The following PLD4 variants were observed in gnomAD, a reference collection of about 807,000 sequenced individuals.
PLD4 encodes 5'-3' exonuclease PLD4.
In PLD4, 54 loss-of-function variants were observed where a neutral mutation model predicts 52.3. The ratio of observed to expected loss-of-function variants is 1.03; its 90% CI spans 0.83 to 1.30. The LOEUF (loss-of-function observed/expected upper bound fraction) is 1.30. PLD4 is among the 50% of genes most tolerant of loss of function. The pLI is 0.00. For missense variants in PLD4, 731 were observed against 671.1 expected (o/e 1.09, Z -0.99); for synonymous variants, 264 against 286.5 (o/e 0.92, Z 0.79).
In PLD4 at chr14:104,931,866, C is replaced by G. The variant is rs552753698; in HGVS notation, c.1037C>G (p.Thr346Arg). 1.4e-5 allele frequency: 21 copies of G among 1,543,304 alleles called. No individual in the cohort carries two copies. Among genetic ancestry groups the G allele is most frequent in the Non-Finnish European group, 1.8e-5 (21 of 1,141,484 alleles). The stretch of plus-strand genomic sequence containing the variant: ...TCCGTGATGGAGTATTTCCCCACCA[C>G]GCGCTTCAGCCACCCCCCGAGGTAG... Reference protein sequence around the residue: ...YASVMEYFPTTRFSHPPRYWP... With the variant: ...YASVMEYFPTRRFSHPPRYWP... Residue 346 changes from threonine (T) to arginine (R), a missense_variant, in exon 8 of 11, where the codon ACG (threonine) becomes AGG (arginine). Physicochemically the swap from Thr to Arg is moderately conservative, Grantham distance 71 (BLOSUM62 -1). Coordinates refer to ENST00000392593, the MANE Select transcript of PLD4 (RefSeq NM_138790.5).
Position 104,932,885 on chromosome 14 carries a change from T to G in PLD4, c.1442T>G (p.Phe481Cys), listed in dbSNP as rs777850189. The part of the protein sequence containing the change: ...ATVQEQLRQL[F>C]ERDWSSRYAV... The stretch of plus-strand genomic sequence containing the variant: ...GTGCAGGAGCAGCTGCGGCAGCTCT[T>G]TGAGCGGGACTGGAGTTCGCGCTAC... The change falls in exon 11 of 11, where the codon TTT (phenylalanine) becomes TGT (cysteine). Residue 481 changes from phenylalanine to cysteine, a missense_variant. Transcript: ENST00000392593. This position sits in a 1 kb window ranked among gnomAD's most constrained non-coding sequence, Gnocchi z 6.5. 1 of 1,603,896 alleles carries G rather than the reference T, an allele frequency of 6.2e-7. No individual in the cohort carries two copies. Among genetic ancestry groups the G allele is most frequent in the Admixed American group, 1.7e-5 (1 of 59,020 alleles).
rs1897682433 is a variant in PLD4, at chr14:104,932,330, G to A, written c.1296G>A (p.Met432Ile). ...PFSRVNHSKF[M>I]VTEKAAYIGT... ...GCAGGGTGAACCACAGCAAGTTCAT[G>A]GTCACGGAGAAGGCAGCCTACATAG... Residue 432 changes from methionine (M) to isoleucine (I), a missense_variant, in exon 10 of 11, where the codon ATG becomes ATA. Transcript: ENST00000392593. The surrounding 1 kb of genome is among the most constrained non-coding windows in gnomAD (Gnocchi z 6.5). The A allele has an allele frequency of 3.7e-6, 6 of 1,612,724 alleles. No individual in the cohort carries two copies. The highest frequency in any genetic ancestry group is 4.2e-6 in the Non-Finnish European group (5 of 1,179,878).
chr14:104,926,957 G>A (rs1420395654), intron 1 of PLD4, 184 bp from the exon 2 acceptor site: 6 of 462,758 alleles, frequency 1.3e-5, no homozygotes, highest in Admixed American at 4.1e-5. Context: ...ACACCCACAC[G>A]GCTTGTCCTC....
rs1897692215 is a variant in PLD4, at chr14:104,932,547, A to G, written c.1321+192A>G. 6.6e-6 allele frequency among the ~76,000 whole-genome samples: 1 copy of G among 152,204 alleles called. No homozygotes were observed. Among genetic ancestry groups the G allele is most frequent in the Non-Finnish European group, 1.5e-5 (1 of 68,036 alleles). On this transcript the variant is annotated intron_variant, in intron 10 of 10. Coordinates refer to ENST00000392593, the MANE Select transcript of PLD4 (RefSeq NM_138790.5). The surrounding 1 kb of genome is among the most constrained non-coding windows in gnomAD (Gnocchi z 6.5). ...GGCCCCACAGGGCCCCAGAACACTG[A>G]GTCAGGACGCCTGTCCCCAAGTGAT...
At chr14:104,930,563 G>T in intron 6 of PLD4, 179 bp from the exon 7 acceptor site, 2 of 639,394 alleles carry the variant, frequency 3.1e-6, no homozygotes, top group Non-Finnish European at 2.7e-6. Flanking sequence ...ACAGGCACCC[G>T]CTGGGCACTC....
At chr14:104,928,484 C>T (rs945037735) in intron 3 of PLD4, among the ~76,000 whole-genome samples, 3 of 152,248 alleles carry the variant, frequency 2.0e-5, no homozygotes, top group Non-Finnish European at 1.5e-5. Flanking sequence ...CTAGCCTGCT[C>T]TGGACCAGGC....
rs1180215583 is a variant in PLD4 at position 104,927,954 on chromosome 14, AG to A, written c.284+94del. ...TGCCCTTGGATCTGCCCGTGAGATA[AG>A]GGGGGCCCTCTACCAGCTCCTCCAG... is the stretch of plus-strand genomic sequence containing the variant. On this transcript the variant is annotated intron_variant, in intron 3 of 10. Transcript: ENST00000392593. 6.6e-6 allele frequency: 9 copies of A among 1,365,436 alleles called. No homozygotes were observed. The Admixed American group carries it at 1.1e-4, about 16-fold the overall frequency. The allele number at this position is 1,365,436 out of a possible 1,614,324, so 84.6% of individuals were successfully genotyped here.
Position 104,932,718 on chromosome 14 carries a change from G to C in PLD4, c.1322-47G>C. 1 of 1,471,502 alleles carries C rather than the reference G, an allele frequency of 6.8e-7. No homozygotes were observed. The highest frequency in any genetic ancestry group is 9.1e-7 in the Non-Finnish European group (1 of 1,101,268). The allele number at this position is 1,471,502 out of a possible 1,614,324, so 91.2% of individuals were successfully genotyped here. ...CCTGGCGCTGAGCGGGCTGCAGAGG[G>C]GCCTGTGGGAGCCGGCGCCCCAGTG... On this transcript the variant is annotated intron_variant, in intron 10 of 10. Coordinates refer to ENST00000392593, the MANE Select transcript of PLD4 (RefSeq NM_138790.5). The surrounding 1 kb of genome is among the most constrained non-coding windows in gnomAD (Gnocchi z 6.5).
intron 4 of PLD4, 83 bp from the exon 5 acceptor site, chr14:104,929,224 C>T: frequency 6.5e-7 from 1 of 1,540,360 alleles, no homozygotes; most frequent in South Asian, 1.2e-5. Flanking sequence ...AGGTGGGCCT[C>T]CTGAGGAGGA....
chr14:104,930,701 AG>A (rs759450980), intron 6 of PLD4, 40 bp from the exon 7 acceptor site: 2 of 1,605,864 alleles, frequency 1.2e-6, no homozygotes, highest in Non-Finnish European at 1.7e-6. Context: ...GGCCCCACAG[AG>A]GGGTTTTTCT....
At chr14:104,931,115 G>A (rs1372407237) in intron 7 of PLD4, among the ~76,000 whole-genome samples, 173 bp downstream of exon 7, 1 of 152,180 alleles carries the variant, frequency 6.6e-6, no homozygotes, top group African/African-American at 2.4e-5. Context: ...AAGCAGGCTG[G>A]CATCAGTAGG....
chr14:104,927,357 G>A, intron 2 of PLD4, 127 bp downstream of exon 2: 2 of 881,592 alleles, frequency 2.3e-6, no homozygotes, highest in Non-Finnish European at 1.7e-6. Flanking sequence ...TGACTGGTGG[G>A]CAAGGGAAGC....
chr14:104,927,718 G>T lies in PLD4; in HGVS notation c.136G>T (p.Ala46Ser). 1 of 1,597,618 alleles carries T rather than the reference G, an allele frequency of 6.3e-7. No individual in the cohort carries two copies. The highest frequency in any genetic ancestry group is 8.5e-7 in the Non-Finnish European group (1 of 1,175,914). The part of the protein sequence containing the change: ...ALAVLWLGSV[A>S]LICLLWQVPR... ...GGCTGTGCTGTGGCTGGGCTCCGTG[G>T]CTCTTATCTGCCTCCTGTGGCAAGT... The change falls in exon 3 of 11, where the codon GCT becomes TCT. Residue 46 changes from alanine to serine, a missense_variant. By Grantham distance (99) the Ala-to-Ser change is moderately conservative (BLOSUM62 1). Coordinates refer to ENST00000392593, the MANE Select transcript of PLD4 (RefSeq NM_138790.5).
intron 6 of PLD4, 132 bp from the exon 7 acceptor site, chr14:104,930,610 C>A: frequency 2.2e-6 from 2 of 908,422 alleles, no homozygotes; most frequent in Non-Finnish European, 3.4e-6. Context: ...TTCCTACAGG[C>A]AATGCTTCCC....
In PLD4 at chr14:104,932,170, T is replaced by C. The variant is rs1171344008; in HGVS notation, c.1217T>C (p.Val406Ala). 2.5e-6 allele frequency: 4 copies of C among 1,611,336 alleles called. No individual in the cohort carries two copies. ...AGCAACCCCGCGGCCAACGTCTCTG[T>C]GGACGTGGTGAGGGCGTGCTCCCGG... ...ALSNPAANVS[V>A]DVKVFIVPVG... Residue 406 changes from valine (V) to alanine (A), a missense_variant, in exon 9 of 11, where the codon GTG becomes GCG. By Grantham distance (64) the Val-to-Ala change is moderately conservative (BLOSUM62 0). Coordinates refer to ENST00000392593, the MANE Select transcript of PLD4 (RefSeq NM_138790.5). The surrounding 1 kb of genome is among the most constrained non-coding windows in gnomAD (Gnocchi z 6.5).
In PLD4 at chr14:104,932,350, A is replaced by T; in HGVS notation, c.1316A>T (p.Tyr439Phe). 6.2e-7 allele frequency: 1 copy of T among 1,612,526 alleles called. No individual in the cohort carries two copies. Among genetic ancestry groups the T allele is most frequent in the Non-Finnish European group, 8.5e-7 (1 of 1,179,756 alleles). Residue 439 changes from tyrosine (Y) to phenylalanine (F), a missense_variant, in exon 10 of 11, where the codon TAC becomes TTC. Tyr to Phe is a conservative substitution (Grantham distance 22, BLOSUM62 3). Transcript: ENST00000392593. This position sits in a 1 kb window ranked among gnomAD's most constrained non-coding sequence, Gnocchi z 6.5. ...TTCATGGTCACGGAGAAGGCAGCCTACATAGGTGAGCGCGATCAGATCACG... is the reference window on the plus strand; with the variant it reads ...TTCATGGTCACGGAGAAGGCAGCCTTCATAGGTGAGCGCGATCAGATCACG... ...SKFMVTEKAA[Y>F]IGTSNWSEDY...
rs1274749673 is a variant in PLD4, at chr14:104,932,399, G to C, written c.1321+44G>C. The C allele has an allele frequency of 3.1e-6, 5 of 1,587,764 alleles. No homozygotes were observed. Among genetic ancestry groups the C allele is most frequent in the African/African-American group, 2.7e-5 (2 of 74,328 alleles). On this transcript the variant is annotated intron_variant, in intron 10 of 10. Transcript: ENST00000392593. The surrounding 1 kb of genome is among the most constrained non-coding windows in gnomAD (Gnocchi z 6.5). Reference sequence around the variant, plus strand: ...CGGCGGGCGGGCCCCAGGGTGGCCAGGCACGGGCGAGGGAGGCACTGGCTT... The same window carrying C: ...CGGCGGGCGGGCCCCAGGGTGGCCACGCACGGGCGAGGGAGGCACTGGCTT...
intron 1 of PLD4, among the ~76,000 whole-genome samples, chr14:104,926,761 A>G (rs1897468700): frequency 6.6e-6 from 1 of 152,238 alleles, no homozygotes; most frequent in Admixed American, 6.5e-5. Flanking sequence ...GCAAATACCT[A>G]GATACTCACT....
downstream of PLD4, chr14:104,936,778 A>G (rs1369912921): frequency 6.6e-6 from 1 of 152,356 alleles, no homozygotes; most frequent in African/African-American, 2.4e-5. Flanking sequence ...CTGCATACCC[A>G]TGAATCTGGC....
Sources: allele counts gnomAD v4.1 joint callset (sites outside exome capture counted in the v4.1 genomes callset), GRCh38; gene constraint gnomAD v4.1.1; non-coding constraint Gnocchi (gnomAD v3.1); transcripts MANE v1.5; gene names NCBI Gene and HGNC (gene_info 2026-07-23, HGNC 2026-07-21).